Variants in CNTN4 observed in about 807,000 individuals in gnomAD.
CNTN4 encodes contactin 4.
Under a neutral mutation model 122.5 loss-of-function variants are expected in CNTN4, and 77 were observed. The observed-to-expected ratio is 0.63, with a 90% CI of 0.52 to 0.76. The LOEUF is 0.76. CNTN4 is among the 30% of genes least tolerant of loss of function. The pLI is 0.00. For synonymous variants in CNTN4, 512 were observed against 447.0 expected, an observed-to-expected ratio of 1.15 and a Z score of -1.83; for missense variants, 1,256 against 1,259.1, an observed-to-expected ratio of 1.00 and a Z score of 0.04.
chr3:2,150,297 T>TA (rs1323061008), intron 2 of CNTN4, among the ~76,000 whole-genome samples: 2 of 151,966 alleles, frequency 1.3e-5, no homozygotes, highest in East Asian at 1.9e-4. Context: ...TTTTAATAAG[T>TA]AAAAAAAAGT....
intron 2 of CNTN4, among the ~76,000 whole-genome samples, chr3:2,168,143 T>C (rs996583547): frequency 1.5e-4 from 23 of 152,168 alleles, no homozygotes; most frequent in African/African-American, 5.3e-4. Flanking sequence ...GCCTCCATGG[T>C]TGGAAAGTTA....
At chr3:2,535,875 C>T (rs1226257323) in intron 3 of CNTN4, among the ~76,000 whole-genome samples, 1 of 152,086 alleles carries the variant, frequency 6.6e-6, no homozygotes, top group East Asian at 1.9e-4. Context: ...TGAGATGTCT[C>T]TGTGAAAGGG....
chr3:2,511,300 T>C (rs2076879256), intron 3 of CNTN4: 1 of 152,230 alleles, frequency 6.6e-6, no homozygotes. Flanking sequence ...CTGTGTATTT[T>C]TGAAAGGTTG....
chr3:2,967,505 G>A (rs1429659545), intron 13 of CNTN4, among the ~76,000 whole-genome samples: 1 of 152,076 alleles, frequency 6.6e-6, no homozygotes, highest in Non-Finnish European at 1.5e-5. Flanking sequence ...TATGGGAAAG[G>A]GCTGTTATTG....
Position 2,452,950 on chromosome 3 carries a change from T to A in CNTN4, c.-89+113717T>A, listed in dbSNP as rs540326746. 2.4e-4 allele frequency among the ~76,000 whole-genome samples: 37 copies of A among 152,248 alleles called. 1 individual carries two copies. In the South Asian group the frequency reaches 7.5e-3, roughly 31 times the overall value. On this transcript the variant is annotated intron_variant, in intron 3 of 24. Coordinates refer to ENST00000418658, the MANE Select transcript of CNTN4 (RefSeq NM_175607.3). The stretch of plus-strand genomic sequence containing the variant: ...TTGTTGTAATACTGGCCTTCATTAT[T>A]GCAAATCTTCCTGGTTGTACTTTAC...
intron 4 of CNTN4, among the ~76,000 whole-genome samples, chr3:2,674,320 A>G (rs1394634778): frequency 6.6e-6 from 1 of 152,092 alleles, no homozygotes; most frequent in African/African-American, 2.4e-5. Context: ...TATGGGGTTC[A>G]GTGTGATATT....
At chr3:2,468,471 A>G (rs555809714) in intron 3 of CNTN4, among the ~76,000 whole-genome samples, 1 of 152,296 alleles carries the variant, frequency 6.6e-6, no homozygotes, top group Admixed American at 6.5e-5. Flanking sequence ...TTGTCATTTT[A>G]AGGGTATCAT....
At chr3:2,917,049 C>T (rs1382795787) in intron 12 of CNTN4, among the ~76,000 whole-genome samples, 4 of 125,928 alleles carry the variant, frequency 3.2e-5, no homozygotes, top group African/African-American at 8.9e-5. Context: ...TCTGCCATCC[C>T]GGCACCTCGG....
At chr3:2,470,065 G>T (rs1047248066) in intron 3 of CNTN4, among the ~76,000 whole-genome samples, 1 of 149,766 alleles carries the variant, frequency 6.7e-6, no homozygotes, top group Admixed American at 6.7e-5. Context: ...GGTATATGTT[G>T]CTTTCTTTTT....
At chr3:2,228,912 A>C (rs2039384875) in intron 2 of CNTN4, among the ~76,000 whole-genome samples, 1 of 152,138 alleles carries the variant, frequency 6.6e-6, no homozygotes. Context: ...GCTGCAAACT[A>C]AGAGAAAATC....
intron 2 of CNTN4, among the ~76,000 whole-genome samples, chr3:2,186,115 G>A (rs1021103109): frequency 3.0e-5 from 4 of 135,200 alleles, no homozygotes; most frequent in Non-Finnish European, 4.6e-5. Flanking sequence ...AGTGTGTGAC[G>A]TTCCCCTTCC....
At chr3:2,954,457 G>A (rs2094778194) in intron 13 of CNTN4, among the ~76,000 whole-genome samples, 1 of 151,396 alleles carries the variant, frequency 6.6e-6, no homozygotes, top group Non-Finnish European at 1.5e-5. Flanking sequence ...CAAATACGGT[G>A]CTGCAAAGAA....
intron 3 of CNTN4, among the ~76,000 whole-genome samples, chr3:2,433,963 CAT>C (rs1461868374): frequency 6.6e-6 from 1 of 151,982 alleles, no homozygotes; most frequent in Non-Finnish European, 1.5e-5. Context: ...AAGTTGAACT[CAT>C]AGAAGTAGAG....
chr3:2,456,041 A>T (rs2048986760), intron 3 of CNTN4, among the ~76,000 whole-genome samples: 1 of 152,124 alleles, frequency 6.6e-6, no homozygotes, highest in African/African-American at 2.4e-5. Context: ...CAGGTCACAT[A>T]GGCATTTATA....
intron 3 of CNTN4, among the ~76,000 whole-genome samples, chr3:2,485,049 C>A (rs530935697): frequency 1.3e-5 from 2 of 152,340 alleles, no homozygotes; most frequent in South Asian, 2.1e-4. Context: ...GCTTAGCACC[C>A]TGGCCAGCAG....
At chr3:2,959,494 A>G (rs2094831786) in intron 13 of CNTN4, among the ~76,000 whole-genome samples, 5 of 152,080 alleles carry the variant, frequency 3.3e-5, no homozygotes, top group Admixed American at 2.6e-4. Context: ...CTATCAACAT[A>G]TTGTGAAAAA....
intron 16 of CNTN4, among the ~76,000 whole-genome samples, chr3:3,034,350 A>G (rs1699418312): frequency 6.6e-6 from 1 of 152,150 alleles, no homozygotes; most frequent in South Asian, 2.1e-4. Flanking sequence ...AATACTCTCT[A>G]TTAACATTAA....
In CNTN4 at chr3:3,039,020, A is replaced by G. The variant is rs1390158864; in HGVS notation, c.2163+17A>G. 67 of 1,602,950 alleles carry G rather than the reference A, an allele frequency of 4.2e-5. No homozygotes were observed. Among genetic ancestry groups the G allele is most frequent in the Non-Finnish European group, 5.6e-5 (65 of 1,169,812 alleles). ...ACCTGGGAGGTAAATGAATCACAGA[A>G]TAAAAGGAACGTACACGCATCGAAG... is the stretch of plus-strand genomic sequence containing the variant. On this transcript the variant is annotated intron_variant, in intron 19 of 24. Coordinates refer to ENST00000418658, the MANE Select transcript of CNTN4 (RefSeq NM_175607.3).
intron 3 of CNTN4, among the ~76,000 whole-genome samples, chr3:2,534,840 CTGTTAT>C (rs1575887775): frequency 5.4e-4 from 71 of 132,262 alleles, no homozygotes; most frequent in African/African-American, 6.6e-4. Context: ...GCTGCTGTTG[CTGTTAT>C]TGTTGCTGCG....
Sources: gnomAD v4.1 joint callset for allele counts (sites outside exome capture counted in the v4.1 genomes callset) on GRCh38, gnomAD v4.1.1 for gene constraint, MANE v1.5 for transcripts, NCBI Gene and HGNC (gene_info 2026-07-23, HGNC 2026-07-21) for gene names.